The following TK2 variants were observed in gnomAD, a reference collection of about 807,000 sequenced individuals.
The protein encoded by TK2 is thymidine kinase 2, mitochondrial.
Under a neutral mutation model 41.9 loss-of-function variants are expected in TK2, and 35 were observed. The observed-to-expected ratio is 0.84, with a 90% confidence interval of 0.64 to 1.11. The LOEUF is 1.11. TK2 is among the 50% of genes least tolerant of loss of function. The pLI, the probability that TK2 is intolerant of heterozygous loss-of-function variation, is 0.00. For synonymous variants in TK2, 128 were observed against 129.1 expected, an observed-to-expected ratio of 0.99 and a Z score of 0.06; for missense variants, 320 against 351.1, an observed-to-expected ratio of 0.91 and a Z score of 0.71.
At chr16:66,540,973 T>C (rs540121619) in intron 3 of TK2, among the ~76,000 whole-genome samples, 1 of 152,322 alleles carries the variant, frequency 6.6e-6, no homozygotes, top group South Asian at 2.1e-4. Flanking sequence ...AGTTTGAGCA[T>C]CCCTAATTGA....
chr16:66,541,846 C>G, intron 3 of TK2, 33 bp downstream of exon 3: 2 of 1,611,656 alleles, frequency 1.2e-6, no homozygotes, highest in South Asian at 2.2e-5. Flanking sequence ...CAAGCTTTCT[C>G]CGCTTCCTTC....
chr16:66,541,620 T>C (rs1052814742), intron 3 of TK2, among the ~76,000 whole-genome samples: 2 of 152,128 alleles, frequency 1.3e-5, no homozygotes, highest in African/African-American at 4.8e-5. Context: ...TCTCGCCATG[T>C]GGCCCAGGCT....
chr16:66,530,480 C>A (rs553144962), intron 5 of TK2, among the ~76,000 whole-genome samples: 1 of 152,308 alleles, frequency 6.6e-6, no homozygotes, highest in African/African-American at 2.4e-5. Flanking sequence ...TCCCCAACAC[C>A]TGATTGAACC....
chr16:66,544,400 C>T (rs906910499), intron 2 of TK2, among the ~76,000 whole-genome samples: 3 of 152,142 alleles, frequency 2.0e-5, no homozygotes, highest in South Asian at 4.1e-4. Context: ...GAGATAAACC[C>T]CATGACATAT....
chr16:66,547,325 A>C (rs568458360), intron 2 of TK2, among the ~76,000 whole-genome samples: 4 of 152,010 alleles, frequency 2.6e-5, no homozygotes, highest in Non-Finnish European at 5.9e-5. Context: ...CCCTCCACTC[A>C]TGGTTCCCCA....
At chr16:66,513,932 C>A (rs1964529075) in intron 8 of TK2, 121 bp from the exon 9 acceptor site, 1 of 872,816 alleles carries the variant, frequency 1.1e-6, no homozygotes, top group Non-Finnish European at 1.9e-6. Context: ...GACAAAGGAA[C>A]CCTGCAAGAG....
In TK2 at chr16:66,517,872, T is replaced by C. The variant is rs1299578150; in HGVS notation, c.455A>G (p.Lys152Arg). Residue 152 changes from lysine (K) to arginine (R), a missense_variant, in exon 7 of 10, where the codon AAG (lysine) becomes AGG (arginine). Transcript: ENST00000544898. This position sits in a 1 kb window ranked among gnomAD's most constrained non-coding sequence, Gnocchi z 4.3. ...IFVENLYRSG[K>R]MPEVDYVVLS... ...AACTACATAGTCCACTTCTGGCATCTTCCCACTGCAATGAGAGTTGTAAGG... is the reference window on the plus strand; with the variant it reads ...AACTACATAGTCCACTTCTGGCATCCTCCCACTGCAATGAGAGTTGTAAGG... 6.2e-7 allele frequency: 1 copy of C among 1,614,078 alleles called. No individual in the cohort carries two copies. The highest frequency in any genetic ancestry group is 1.1e-5 in the South Asian group (1 of 91,088).
At chr16:66,513,133 C>G (rs1189893588) in intron 9 of TK2, among the ~76,000 whole-genome samples, 1 of 152,170 alleles carries the variant, frequency 6.6e-6, no homozygotes, top group Non-Finnish European at 1.5e-5. Flanking sequence ...AACTGGAAAA[C>G]AAGGAGATGG....
chr16:66,537,224 A>C (rs1285185865), intron 3 of TK2, among the ~76,000 whole-genome samples: 1 of 152,186 alleles, frequency 6.6e-6, no homozygotes, highest in Non-Finnish European at 1.5e-5. Context: ...TTACTTCCAG[A>C]AATGTCCTGA....
intron 6 of TK2, among the ~76,000 whole-genome samples, chr16:66,522,118 C>G (rs150731441): frequency 6.6e-6 from 1 of 152,180 alleles, no homozygotes; most frequent in Admixed American, 6.5e-5. Context: ...CTCCCTACCC[C>G]CAAACCCAAA....
rs759100925 is a variant in TK2, at chr16:66,517,245, G to T, written c.539-30C>A. 31 of 1,596,594 alleles carry T rather than the reference G, an allele frequency of 1.9e-5. No individual in the cohort carries two copies. ...GGTTAAAAGAATACGTGGCTCTCAG[G>T]ACTCTGCTCATGGCTTGGAAGCAAA... On this transcript the variant is annotated intron_variant, in intron 7 of 9. Coordinates refer to ENST00000544898, the MANE Select transcript of TK2 (RefSeq NM_004614.5). This position sits in a 1 kb window ranked among gnomAD's most constrained non-coding sequence, Gnocchi z 4.3.
chr16:66,513,851 A>G (rs1964525265), intron 8 of TK2, 40 bp from the exon 9 acceptor site: 1 of 1,577,842 alleles, frequency 6.3e-7, no homozygotes, highest in Middle Eastern at 1.7e-4. Context: ...GAGTGGACAG[A>G]GCAGACCCCA....
chr16:66,513,622 G>A, intron 9 of TK2, 109 bp downstream of exon 9: 1 of 993,266 alleles, frequency 1.0e-6, no homozygotes. Flanking sequence ...CTTCTAAGTT[G>A]TCAAACTCTA....
At chr16:66,549,327 C>T in intron 1 of TK2, 3 of 1,174,122 alleles carry the variant, frequency 2.6e-6, no homozygotes, top group South Asian at 4.3e-5. Context: ...GCAGAACAGC[C>T]TCCACTCGCG....
intron 8 of TK2, among the ~76,000 whole-genome samples, chr16:66,515,418 C>T (rs959150352): frequency 2.6e-5 from 4 of 152,232 alleles, no homozygotes; most frequent in Admixed American, 2.6e-4. Flanking sequence ...GCAGCGGAGC[C>T]CAAGGGAAAA....
intron 2 of TK2, among the ~76,000 whole-genome samples, chr16:66,543,754 GACCCC>G (rs1357401523): frequency 6.6e-6 from 1 of 152,050 alleles, no homozygotes; most frequent in Non-Finnish European, 1.5e-5. Context: ...CGTCTCACCC[GACCCC>G]ACTAAAGTCT....
chr16:66,546,917 AATTTTTTGT>A (rs1335469989), intron 2 of TK2, among the ~76,000 whole-genome samples: 3 of 151,662 alleles, frequency 2.0e-5, no homozygotes, highest in East Asian at 1.9e-4. Context: ...ATGCCCAGCT[AATTTTTTGT>A]ATTTTTTGTA....
rs1213814056 is a variant in TK2 at position 66,517,898 on chromosome 16, G to T, written c.450-21C>A. On this transcript the variant is annotated intron_variant, in intron 6 of 9. Transcript: ENST00000544898. This position sits in a 1 kb window ranked among gnomAD's most constrained non-coding sequence, Gnocchi z 4.3. ...TCCCACTGCAATGAGAGTTGTAAGG[G>T]CTTATTCACCTAAGAGAAAACTTCT... 1 of 1,604,266 alleles carries T rather than the reference G, an allele frequency of 6.2e-7. No individual in the cohort carries two copies. The highest frequency in any genetic ancestry group is 2.2e-5 in the East Asian group (1 of 44,844).
chr16:66,515,533 G>A (rs948272605), intron 8 of TK2, among the ~76,000 whole-genome samples: 1 of 152,168 alleles, frequency 6.6e-6, no homozygotes, highest in Non-Finnish European at 1.5e-5. Flanking sequence ...GATTCCACTC[G>A]CCATCCCAGA....
Sources: allele counts gnomAD v4.1 joint callset (sites outside exome capture counted in the v4.1 genomes callset), GRCh38; gene constraint gnomAD v4.1.1; non-coding constraint Gnocchi (gnomAD v3.1); transcripts MANE v1.5; gene names NCBI Gene and HGNC (gene_info 2026-07-23, HGNC 2026-07-21).